Variants in SELE observed in about 807,000 individuals in gnomAD.
The protein encoded by SELE is E-selectin.
In SELE, 52 loss-of-function variants were observed where a neutral mutation model predicts 75.8. The observed-to-expected ratio is 0.69, with a 90% CI of 0.55 to 0.86. The LOEUF is 0.86. Among genes scored for constraint, SELE ranks in the 40% least tolerant of loss-of-function variants. The pLI is 0.00. For synonymous variants in SELE, 285 were observed against 258.7 expected (o/e 1.10, Z -0.98); for missense variants, 754 against 732.7 (o/e 1.03, Z -0.34).
At chr1:169,730,290 T>G in intron 5 of SELE, 142 bp downstream of exon 5, 1 of 724,142 alleles carries the variant, frequency 1.4e-6, no homozygotes, top group East Asian at 2.7e-5. Flanking sequence ...GCAATATACA[T>G]TGGCTGAGAG....
Position 169,730,558 on chromosome 1 carries a change from G to C in SELE, c.589C>G (p.Leu197Val). 1.9e-6 allele frequency: 3 copies of C among 1,614,030 alleles called. No individual in the cohort carries two copies. The highest frequency in any genetic ancestry group is 1.3e-5 in the African/African-American group (1 of 75,034). ...GAAGAATTGTAGCTGAAGTTTCCCAGTGGGTGACTGCAAACCAGGCTTCCA... is the reference window on the plus strand; with the variant it reads ...GAAGAATTGTAGCTGAAGTTTCCCACTGGGTGACTGCAAACCAGGCTTCCA... Reference protein sequence around the residue: ...EHGSLVCSHPLGNFSYNSSCS... With the variant: ...EHGSLVCSHPVGNFSYNSSCS... The change falls in exon 5 of 14, where the codon CTG becomes GTG. Residue 197 changes from leucine (L) to valine (V), a missense_variant. Coordinates refer to ENST00000333360, the MANE Select transcript of SELE (RefSeq NM_000450.2).
Position 169,730,473 on chromosome 1 carries a change from A to G in SELE, c.674T>C (p.Met225Thr), listed in dbSNP as rs1254388387. 11 of 1,614,090 alleles carry G rather than the reference A, an allele frequency of 6.8e-6. No homozygotes were observed. The highest frequency in any genetic ancestry group is 9.3e-6 in the Non-Finnish European group (11 of 1,179,968). Residue 225 changes from methionine (M) to threonine (T), a missense_variant, in exon 5 of 14, where the codon ATG becomes ACG. Physicochemically the swap from Met to Thr is moderately conservative, Grantham distance 81. Coordinates refer to ENST00000333360, the MANE Select transcript of SELE (RefSeq NM_000450.2). ...LPSSMETMQC[M>T]SSGEWSAPIP... ...AGGAGCACTCCATTCTCCAGAGGAC[A>G]TACACTGCATGGTCTCCATGCTGCT...
rs143566739 is a variant in SELE at position 169,731,910 on chromosome 1, C to T, written c.454G>A (p.Gly152Ser). The stretch of plus-strand genomic sequence containing the variant: ...TTATTGATGGTCTCTACACATTCAC[C>T]GTGGCCACTGCAGGATGTATTGGTA... Reference protein sequence around the residue: ...ACTNTSCSGHGECVETINNYT... With the variant: ...ACTNTSCSGHSECVETINNYT... The change falls in exon 4 of 14, where the codon GGT becomes AGT. Residue 152 changes from glycine (G) to serine (S), a missense_variant. By Grantham distance (56) the Gly-to-Ser change is moderately conservative. Transcript: ENST00000333360. 2.3e-5 allele frequency: 37 copies of T among 1,613,534 alleles called. No homozygotes were observed. The highest frequency in any genetic ancestry group is 6.7e-5 in the East Asian group (3 of 44,864).
At chr1:169,726,067 A>G in intron 11 of SELE, 139 bp from the exon 12 acceptor site, 1 of 992,062 alleles carries the variant, frequency 1.0e-6, no homozygotes, top group East Asian at 2.6e-5. Flanking sequence ...TCAGAGCACA[A>G]GCATGGCTCT....
intron 4 of SELE, 63 bp from the exon 5 acceptor site, chr1:169,730,680 A>C: frequency 1.0e-6 from 1 of 996,610 alleles, no homozygotes; most frequent in Non-Finnish European, 1.4e-6. Flanking sequence ...GAACACTGGA[A>C]ACTAGAACTA....
At chr1:169,727,256 G>A (rs922539595) in intron 10 of SELE, 93 bp downstream of exon 10, 10 of 1,394,650 alleles carry the variant, frequency 7.2e-6, no homozygotes, top group Non-Finnish European at 8.7e-6. Context: ...GAACTTTCTG[G>A]TTTGGATATA....
Position 169,731,820 on chromosome 1 carries a change from A to G in SELE, c.529+15T>C, listed in dbSNP as rs5362. 0.091 allele frequency: 144,194 copies of G among 1,578,492 alleles called. 7,220 individuals carry two copies. Among genetic ancestry groups the G allele is most frequent in the Middle Eastern group, 0.11 (688 of 5,990 alleles). On this transcript the variant is annotated intron_variant, in intron 4 of 13. Transcript: ENST00000333360. ...TACCATCTCAAGTGAAGAAAGAGGC[A>G]AGAACCAGACTTACTTTGCTCACAC...
intron 7 of SELE, 137 bp from the exon 8 acceptor site, chr1:169,728,383 G>C (rs1050820669): frequency 1.3e-6 from 1 of 791,316 alleles, no homozygotes; most frequent in African/African-American, 1.8e-5. Context: ...CAAATGGGAA[G>C]ATGGCTGTGT....
chr1:169,725,104 C>T (rs1487470844), intron 13 of SELE, among the ~76,000 whole-genome samples: 2 of 152,072 alleles, frequency 1.3e-5, no homozygotes, highest in Non-Finnish European at 2.9e-5. Flanking sequence ...AATAAAGTAA[C>T]AGGCCAGGCC....
rs779989243 is a variant in SELE, at chr1:169,729,595, T to C, written c.794A>G (p.Asn265Ser). 6.2e-7 allele frequency: 1 copy of C among 1,614,186 alleles called. No individual in the cohort carries two copies. Among genetic ancestry groups the C allele is most frequent in the South Asian group, 1.1e-5 (1 of 91,082 alleles). The change falls in exon 6 of 14, where the codon AAC becomes AGC. Residue 265 changes from asparagine to serine, a missense_variant. Transcript: ENST00000333360. ...TTCACAGTCAAATGTACAGGTTGTG[T>C]TCCATGGGAAGCTTCCAGGGTTTTG... is the stretch of plus-strand genomic sequence containing the variant. The part of the protein sequence containing the change: ...CFQNPGSFPW[N>S]TTCTFDCEEG...
intron 5 of SELE, 132 bp downstream of exon 5, chr1:169,730,300 G>A: frequency 1.2e-6 from 1 of 824,476 alleles, no homozygotes. Context: ...TTGGCTGAGA[G>A]AACAAATTGT....
In SELE at chr1:169,733,877, A is replaced by T. The variant is rs3917399; in HGVS notation, c.-49+94T>A. Reference sequence around the variant, plus strand: ...AGACAGGTTTTAGCTACAATACAATAAGAGCTTGTACAGATGTGGTTTTTA... The same window carrying T: ...AGACAGGTTTTAGCTACAATACAATTAGAGCTTGTACAGATGTGGTTTTTA... On this transcript the variant is annotated intron_variant, in intron 1 of 13. Coordinates refer to ENST00000333360, the MANE Select transcript of SELE (RefSeq NM_000450.2). 6.6e-4 allele frequency: 346 copies of T among 521,194 alleles called. 2 individuals are homozygous for T. The highest frequency in any genetic ancestry group is 6.0e-3 in the African/African-American group (316 of 52,342). 32.3% of individuals were successfully genotyped at this position (521,194 alleles called of 1,614,324 possible). A position where few individuals can be genotyped will look rare whatever the true frequency, so the allele number is the denominator to read the frequency against.
chr1:169,733,844 A>C, intron 1 of SELE, 127 bp downstream of exon 1: 1 of 567,856 alleles, frequency 1.8e-6, no homozygotes. Flanking sequence ...ATTTAGGTCA[A>C]AGAGAAAAGA....
At chr1:169,733,065 G>T (rs1045367947) in intron 2 of SELE, 67 bp from the exon 3 acceptor site, 25 of 1,436,614 alleles carry the variant, frequency 1.7e-5, no homozygotes, top group Non-Finnish European at 2.2e-5. Flanking sequence ...TGACAACTGT[G>T]CTTTTTATTG....
intron 11 of SELE, 94 bp downstream of exon 11, chr1:169,726,605 A>G (rs917054477): frequency 7.1e-5 from 62 of 868,618 alleles, no homozygotes; most frequent in Non-Finnish European, 1.2e-4. Context: ...GATTCTAATT[A>G]TTGTTTAAAT....
chr1:169,732,088 C>A, intron 3 of SELE, 146 bp from the exon 4 acceptor site: 1 of 526,922 alleles, frequency 1.9e-6, no homozygotes, highest in Non-Finnish European at 3.4e-6. Flanking sequence ...TACAAAGTTC[C>A]AAATCTGAGT....
chr1:169,729,863 T>G (rs547115749), intron 5 of SELE, among the ~76,000 whole-genome samples, 190 bp from the exon 6 acceptor site: 1 of 152,362 alleles, frequency 6.6e-6, no homozygotes, highest in South Asian at 2.1e-4. Context: ...CTATCTTTTC[T>G]GATTTCCACT....
intron 3 of SELE, among the ~76,000 whole-genome samples, 171 bp from the exon 4 acceptor site, chr1:169,732,113 T>C (rs1443100055): frequency 6.6e-6 from 1 of 152,082 alleles, no homozygotes; most frequent in Non-Finnish European, 1.5e-5. Flanking sequence ...GGCCCACCTA[T>C]CCTAAACCTT....
rs567312714 is a variant in SELE, at chr1:169,726,958, G to T, written c.1646-152C>A. The T allele has an allele frequency of 9.8e-5, 62 of 633,824 alleles. No homozygotes were observed. In the African/African-American group the frequency reaches 1.1e-3, roughly 11 times the overall value. The allele number at this position is 633,824 out of a possible 1,614,324, so 39.3% of individuals were successfully genotyped here. A position where few individuals can be genotyped will look rare whatever the true frequency, so the allele number is the denominator to read the frequency against. On this transcript the variant is annotated intron_variant, in intron 10 of 13. Coordinates refer to ENST00000333360, the MANE Select transcript of SELE (RefSeq NM_000450.2). The stretch of plus-strand genomic sequence containing the variant: ...AAGAAGCAGAGATGTGGCATTACAG[G>T]CCTTTGAGATCTGCTCCAAGCCACC...
Sources: gnomAD v4.1 joint callset for allele counts (sites outside exome capture counted in the v4.1 genomes callset) on GRCh38, gnomAD v4.1.1 for gene constraint, MANE v1.5 for transcripts, NCBI Gene and HGNC (gene_info 2026-07-23, HGNC 2026-07-21) for gene names.